UPK1A: variants seen among roughly 807,000 people sequenced by gnomAD.
UPK1A encodes uroplakin-1a.
In UPK1A, 31 loss-of-function variants were observed where a neutral mutation model predicts 32.3. The observed-to-expected ratio is 0.96, with a 90% CI of 0.72 to 1.30. The LOEUF is 1.30. Ranked by LOEUF, UPK1A falls within the 50% of genes most tolerant of loss-of-function variation. The pLI is 0.00. For synonymous variants in UPK1A, 135 were observed against 137.1 expected (o/e 0.98, Z 0.11); for missense variants, 340 against 357.4 (o/e 0.95, Z 0.39).
rs565611046 is a variant in UPK1A at position 35,676,381 on chromosome 19, G to A, written c.648+362G>A. The A allele has an allele frequency of 1.4e-5, 5 of 356,350 alleles. No homozygotes were observed. In the East Asian group the frequency reaches 4.0e-4, roughly 28 times the overall value. 22.1% of individuals were successfully genotyped at this position (356,350 alleles called of 1,614,324 possible). Reference sequence around the variant, plus strand: ...GTTTTTGTATTTTTAGCAGAGACGGGGTTTGACCATGTTGTCCAGGCTGGT... The same window carrying A: ...GTTTTTGTATTTTTAGCAGAGACGGAGTTTGACCATGTTGTCCAGGCTGGT... On this transcript the variant is annotated intron_variant, in intron 6 of 7. Coordinates refer to ENST00000617999, the Ensembl canonical transcript of UPK1A.
At chr19:35,675,710 G>A (rs933171919) in intron 5 of UPK1A, 130 bp from the exon 6 acceptor site, 28 of 1,067,454 alleles carry the variant, frequency 2.6e-5, no homozygotes, top group Non-Finnish European at 3.5e-5. Context: ...TCGCTTGGAG[G>A]CCCAGGACAT....
exon 8 of UPK1A, chr19:35,678,155 A>G: frequency 1.7e-6 from 2 of 1,161,844 alleles, no homozygotes; most frequent in East Asian, 2.6e-5. Context: ...CACTTCCAAG[A>G]TCTTTTTCCA....
intron 2 of UPK1A, 73 bp downstream of exon 2, chr19:35,666,969 G>C (rs1968008532): frequency 2.0e-6 from 3 of 1,495,360 alleles, no homozygotes; most frequent in African/African-American, 2.8e-5. Flanking sequence ...CTCGGGGTGG[G>C]GGATGAGGGT....
rs1968034664 is a variant in UPK1A, at chr19:35,668,476, C to T, written c.107C>T (p.Ala36Val). The change falls in exon 3 of 8, where the codon GCT becomes GTT. Residue 36 changes from alanine to valine, a missense_variant. Coordinates refer to ENST00000617999, the Ensembl canonical transcript of UPK1A. ...CAGCTGTCAGGCCTGTCCCTGTTTG[C>T]TGAGACCATATGGGTGACAGCCGAC... 8 of 1,614,184 alleles carry T rather than the reference C, an allele frequency of 5.0e-6. 1 individual carries two copies. In the East Asian group the frequency reaches 6.7e-5, roughly 13 times the overall value.
intron 6 of UPK1A, among the ~76,000 whole-genome samples, 164 bp from the exon 7 acceptor site, chr19:35,677,648 C>T (rs762550987): frequency 6.6e-6 from 1 of 152,146 alleles, no homozygotes; most frequent in African/African-American, 2.4e-5. Flanking sequence ...CCTGGGGCCC[C>T]GAAACCACCC....
At chr19:35,673,208 G>C in intron 3 of UPK1A, 24 bp from the exon 4 acceptor site, 1 of 1,612,966 alleles carries the variant, frequency 6.2e-7, no homozygotes, top group East Asian at 2.2e-5. Flanking sequence ...TGCCCGACGG[G>C]CCGTCCTCCC....
exon 6 of UPK1A, chr19:35,675,894 T>A (rs1372072934): frequency 6.2e-7 from 1 of 1,614,044 alleles, no homozygotes; most frequent in Admixed American, 1.7e-5. Flanking sequence ...CACGTCAGCC[T>A]TCCGGGCGGC....
At chr19:35,667,120 A>G (rs1968010388) in intron 2 of UPK1A, among the ~76,000 whole-genome samples, 1 of 151,980 alleles carries the variant, frequency 6.6e-6, no homozygotes, top group African/African-American at 2.4e-5. Context: ...CTGTGTCCTC[A>G]TTGTGTGGGC....
At chr19:35,675,041 CAA>C (rs1174443353) in intron 5 of UPK1A, among the ~76,000 whole-genome samples, 33 of 78,878 alleles carry the variant, frequency 4.2e-4, no homozygotes, top group Admixed American at 5.7e-4. Context: ...GACTCCGTCT[CAA>C]AAAAAAAAAA....
At chr19:35,674,815 G>A (rs1325828145) in intron 5 of UPK1A, among the ~76,000 whole-genome samples, 1 of 152,062 alleles carries the variant, frequency 6.6e-6, no homozygotes, top group Non-Finnish European at 1.5e-5. Context: ...GCAAAGGCGG[G>A]CAGATCACTT....
chr19:35,673,262 TTCGAGTGCGCC>T lies in UPK1A; in HGVS notation c.319_329del (p.Glu107LeufsTer9). The stretch of plus-strand genomic sequence containing the variant: ...GGTGCTCATGCTCATCGTCTACATC[TTCGAGTGCGCC>T]TCCTGCATCACGTCCTACACCCACC... On this transcript the variant is annotated frameshift_variant, in exon 4 of 8. Transcript: ENST00000617999. LOFTEE classifies it high-confidence loss of function. The T allele has an allele frequency of 3.1e-6, 5 of 1,614,094 alleles. No homozygotes were observed. Among genetic ancestry groups the T allele is most frequent in the Non-Finnish European group, 4.2e-6 (5 of 1,180,028 alleles).
Position 35,668,486 on chromosome 19 carries a change from A to G in UPK1A, c.117A>G (p.Ile39Met), listed in dbSNP as rs748080937. ...GCCTGTCCCTGTTTGCTGAGACCAT[A>G]TGGGTGACAGCCGACCAGTACCGTG... The change falls in exon 3 of 8, where the codon ATA (isoleucine) becomes ATG (methionine). Residue 39 changes from isoleucine (I) to methionine (M), a missense_variant. Coordinates refer to ENST00000617999, the Ensembl canonical transcript of UPK1A. 10 of 1,614,098 alleles carry G rather than the reference A, an allele frequency of 6.2e-6. No homozygotes were observed. In the East Asian group the frequency reaches 2.0e-4, roughly 32 times the overall value.
rs779949825 is a variant in UPK1A, at chr19:35,673,298, C to A, written c.352C>A (p.Arg118Ser). ...CTCCTGCATCACGTCCTACACCCACCGTGACTACGTGAGCCCGGCGAGGCC... is the reference window on the plus strand; with the variant it reads ...CTCCTGCATCACGTCCTACACCCACAGTGACTACGTGAGCCCGGCGAGGCC... The change falls in exon 4 of 8, where the codon CGT becomes AGT. Residue 118 changes from arginine (R) to serine (S), a missense_variant. Arg to Ser is a moderately radical substitution (Grantham distance 110). Coordinates refer to ENST00000617999, the Ensembl canonical transcript of UPK1A. 1.2e-6 allele frequency: 2 copies of A among 1,613,960 alleles called. No homozygotes were observed. Among genetic ancestry groups the A allele is most frequent in the East Asian group, 2.2e-5 (1 of 44,884 alleles).
At chr19:35,668,810 C>G in intron 3 of UPK1A, 156 bp downstream of exon 3, 1 of 845,018 alleles carries the variant, frequency 1.2e-6, no homozygotes, top group Non-Finnish European at 1.8e-6. Flanking sequence ...TCCCACAGCC[C>G]AATAACCCAG....
chr19:35,673,452 A>C, exon 5 of UPK1A: 2 of 1,613,638 alleles, frequency 1.2e-6, no homozygotes, highest in South Asian at 2.2e-5. Flanking sequence ...TGTCCAACCC[A>C]TCCCTGATCA....
intron 3 of UPK1A, among the ~76,000 whole-genome samples, chr19:35,671,790 GTAGAC>G (rs1447418256): frequency 3.3e-5 from 5 of 151,952 alleles, no homozygotes; most frequent in African/African-American, 9.7e-5. Flanking sequence ...AATTTCTAAA[GTAGAC>G]TAGAGTCCGC....
intron 3 of UPK1A, among the ~76,000 whole-genome samples, chr19:35,671,576 G>C (rs1309661028): frequency 2.8e-5 from 4 of 144,818 alleles, no homozygotes; most frequent in African/African-American, 1.0e-4. Flanking sequence ...TCCTGCCTCA[G>C]CCTCCCGAGT....
At chr19:35,667,306 T>TTTTTG (rs142423365) in intron 2 of UPK1A, among the ~76,000 whole-genome samples, 3,090 of 150,188 alleles carry the variant, frequency 0.021, 74 homozygotes, top group Admixed American at 0.077. Flanking sequence ...GGTTTTGTGT[T>TTTTTG]TTTTGTTTTG....
In UPK1A at chr19:35,666,903, C is replaced by T. The variant is rs553637067; in HGVS notation, c.84+7C>T. The T allele has an allele frequency of 2.0e-4, 316 of 1,613,914 alleles. 2 individuals are homozygous for T. The South Asian group carries it at 3.2e-3, about 16-fold the overall frequency. ...GGGCAATATCATTATTCTGGTGAGACTCGCCCCAGTGCTGGGAGCCGAGTG... is the reference window on the plus strand; with the variant it reads ...GGGCAATATCATTATTCTGGTGAGATTCGCCCCAGTGCTGGGAGCCGAGTG... On this transcript the variant is annotated splice_region_variant and intron_variant, in intron 2 of 7. Coordinates refer to ENST00000617999, the Ensembl canonical transcript of UPK1A.
Sources: gnomAD v4.1 joint callset for allele counts (sites outside exome capture counted in the v4.1 genomes callset) on GRCh38, gnomAD v4.1.1 for gene constraint, MANE v1.5 for transcripts, NCBI Gene and HGNC (gene_info 2026-07-23, HGNC 2026-07-21) for gene names.